Variants in LRBA observed in about 807,000 individuals in gnomAD.
The protein encoded by LRBA is lipopolysaccharide-responsive and beige-like anchor protein.
LRBA carries 176 observed loss-of-function variants against 330.0 expected under a neutral mutation model. That is an observed-to-expected ratio of 0.53 (90% CI 0.47 to 0.60). The LOEUF (loss-of-function observed/expected upper bound fraction) is 0.60, where lower values mean the gene tolerates loss of function less well. Among genes scored for constraint, LRBA ranks in the 20% least tolerant of loss-of-function variants. The pLI is 0.00. For missense variants in LRBA, 3,259 were observed against 3,444.8 expected (o/e 0.95, Z 1.35); for synonymous variants, 1,230 against 1,193.0 (o/e 1.03, Z -0.64).
chr4:150,724,097 A>C (rs1729330793), intron 36 of LRBA, among the ~76,000 whole-genome samples: 1 of 152,204 alleles, frequency 6.6e-6, no homozygotes, highest in African/African-American at 2.4e-5. Flanking sequence ...GCTCCCAGAC[A>C]GCACTTTGGA....
At chr4:151,000,138 T>C (rs892361472) in intron 2 of LRBA, among the ~76,000 whole-genome samples, 2 of 152,228 alleles carry the variant, frequency 1.3e-5, no homozygotes, top group African/African-American at 4.8e-5. Context: ...TTTATGATGG[T>C]GTGAAAGCAA....
chr4:150,569,504 C>T lies in LRBA; in HGVS notation c.6330+18544G>A, dbSNP rs201843206. ...CTTGCGTAAGTCACAACTGATTGGA[C>T]ACAGTCCCTGTGGGCTTGCCATTTC... is the stretch of plus-strand genomic sequence containing the variant. On this transcript the variant is annotated intron_variant, in intron 40 of 56. Transcript: ENST00000651943. Among the ~76,000 whole-genome samples, 5 of 152,126 alleles carry T rather than the reference C, an allele frequency of 3.3e-5. No individual in the cohort carries two copies. In the East Asian group the frequency reaches 9.6e-4, roughly 29 times the overall value.
chr4:150,963,155 CCTCTCA>C (rs1410577666), intron 2 of LRBA, among the ~76,000 whole-genome samples: 7 of 148,390 alleles, frequency 4.7e-5, no homozygotes, highest in Admixed American at 4.0e-4. Flanking sequence ...AATCCCTCTC[CCTCTCA>C]CTCTGCCTCT....
chr4:150,787,624 G>A (rs1373157760), intron 34 of LRBA, among the ~76,000 whole-genome samples: 1 of 152,020 alleles, frequency 6.6e-6, no homozygotes, highest in Non-Finnish European at 1.5e-5. Flanking sequence ...CTGTAAAATG[G>A]GGTATCCATC....
chr4:150,674,259 G>C (rs1204429694), intron 37 of LRBA, among the ~76,000 whole-genome samples: 1 of 151,770 alleles, frequency 6.6e-6, no homozygotes, highest in Non-Finnish European at 1.5e-5. Context: ...TTAGGTAAAA[G>C]AGTAGGGAAA....
Position 150,896,380 on chromosome 4 carries a change from A to C in LRBA, c.2067+14T>G. Reference sequence around the variant, plus strand: ...CAAAAATTAAAATTTCAAAATATAAAATTCATATATTACCTCATGCATAGT... The same window carrying C: ...CAAAAATTAAAATTTCAAAATATAACATTCATATATTACCTCATGCATAGT... On this transcript the variant is annotated intron_variant, in intron 16 of 56. Transcript: ENST00000651943. 1 of 1,364,940 alleles carries C rather than the reference A, an allele frequency of 7.3e-7. No individual in the cohort carries two copies. The highest frequency in any genetic ancestry group is 1.0e-6 in the Non-Finnish European group (1 of 979,756). The allele number at this position is 1,364,940 out of a possible 1,614,324, so 84.6% of individuals were successfully genotyped here. A position where few individuals can be genotyped will look rare whatever the true frequency, so the allele number is the denominator to read the frequency against.
intron 47 of LRBA, among the ~76,000 whole-genome samples, chr4:150,398,852 T>C (rs1477037926): frequency 6.6e-6 from 1 of 152,144 alleles, no homozygotes; most frequent in Admixed American, 6.5e-5. Flanking sequence ...GGTCTCAAAC[T>C]CCTGGGCTCA....
In LRBA at chr4:150,620,225, C is replaced by T. The variant is rs139285028; in HGVS notation, c.5922-21094G>A. Among the ~76,000 whole-genome samples, 1,388 of 152,154 alleles carry T rather than the reference C, an allele frequency of 9.1e-3. 7 individuals are homozygous for T. Among genetic ancestry groups the T allele is most frequent in the Non-Finnish European group, 0.015 (1,048 of 67,970 alleles). On this transcript the variant is annotated intron_variant, in intron 37 of 56. Transcript: ENST00000651943. ...AAAAATGCTCAACATCACTAATCAT[C>T]ACAGAAATGCAAATTAAAACCACAA...
chr4:150,594,902 C>T (rs1190869785), intron 38 of LRBA, among the ~76,000 whole-genome samples: 2 of 151,912 alleles, frequency 1.3e-5, no homozygotes, highest in African/African-American at 4.8e-5. Flanking sequence ...ACACACACAA[C>T]AAAAACTGTT....
At chr4:150,773,599 G>A (rs777611519) in intron 34 of LRBA, among the ~76,000 whole-genome samples, 18 of 152,302 alleles carry the variant, frequency 1.2e-4, no homozygotes, top group Middle Eastern at 6.8e-3. Flanking sequence ...CTTGATGGAG[G>A]AAAATCCTTC....
intron 34 of LRBA, among the ~76,000 whole-genome samples, chr4:150,787,298 G>GTTTTA (rs1739225909): frequency 6.6e-6 from 1 of 151,778 alleles, no homozygotes; most frequent in South Asian, 2.1e-4. Context: ...GTACTGCATA[G>GTTTTA]TTTTACATGC....
chr4:150,507,882 G>A (rs1260896007), intron 40 of LRBA, among the ~76,000 whole-genome samples: 2 of 151,962 alleles, frequency 1.3e-5, no homozygotes, highest in Non-Finnish European at 2.9e-5. Flanking sequence ...ACACACCATG[G>A]AATACTATGC....
At chr4:150,560,272 C>T (rs540963542) in intron 40 of LRBA, among the ~76,000 whole-genome samples, 28 of 151,478 alleles carry the variant, frequency 1.8e-4, no homozygotes, top group African/African-American at 5.6e-4. Flanking sequence ...AGAGAGAGCA[C>T]GAATGATAAA....
chr4:150,421,530 A>G (rs1419272255), intron 46 of LRBA, among the ~76,000 whole-genome samples: 1 of 152,058 alleles, frequency 6.6e-6, no homozygotes, highest in Admixed American at 6.6e-5. Context: ...ATCACAAAAA[A>G]GAAACCACAT....
chr4:150,830,587 C>T (rs1347777595), intron 29 of LRBA, among the ~76,000 whole-genome samples: 3 of 151,924 alleles, frequency 2.0e-5, no homozygotes, highest in African/African-American at 7.3e-5. Flanking sequence ...ATAAACCATG[C>T]CCACCGTGCC....
intron 17 of LRBA, among the ~76,000 whole-genome samples, chr4:150,874,893 G>A (rs1753831737): frequency 6.6e-6 from 1 of 152,122 alleles, no homozygotes; most frequent in Non-Finnish European, 1.5e-5. Flanking sequence ...CAGATTGGCA[G>A]CCTGAGCCAC....
chr4:150,822,387 A>G (rs1454308270), intron 30 of LRBA, among the ~76,000 whole-genome samples: 1 of 152,212 alleles, frequency 6.6e-6, no homozygotes, highest in Non-Finnish European at 1.5e-5. Context: ...CAATGTAACT[A>G]TATTAACATA....
chr4:150,884,789 AAG>A (rs1249855228), intron 17 of LRBA, among the ~76,000 whole-genome samples: 1 of 152,192 alleles, frequency 6.6e-6, no homozygotes, highest in African/African-American at 2.4e-5. Context: ...AAAAACAAAA[AAG>A]AGTATAACCC....
chr4:150,896,681 A>G (rs1701623688), intron 15 of LRBA, among the ~76,000 whole-genome samples: 1 of 152,116 alleles, frequency 6.6e-6, no homozygotes, highest in South Asian at 2.1e-4. Flanking sequence ...AACACCTTAT[A>G]TAATATGACA....
Sources: allele counts gnomAD v4.1 joint callset (sites outside exome capture counted in the v4.1 genomes callset), GRCh38; gene constraint gnomAD v4.1.1; transcripts MANE v1.5; gene names NCBI Gene and HGNC (gene_info 2026-07-23, HGNC 2026-07-21).